Variants in AKAP12 observed in about 807,000 individuals in gnomAD.
The protein encoded by AKAP12 is A-kinase anchor protein 12.
A neutral mutation model predicts 79.9 loss-of-function variants in AKAP12; 32 were observed. That is an observed-to-expected ratio of 0.40 (90% CI 0.30 to 0.54). AKAP12 has a LOEUF of 0.54. Among genes scored for constraint, AKAP12 ranks in the 20% least tolerant of loss-of-function variants. The probability of loss-of-function intolerance (pLI) is 0.48; values close to 1 mark genes in which losing one functional copy is unlikely to be tolerated. For synonymous variants in AKAP12, 808 were observed against 857.0 expected, an observed-to-expected ratio of 0.94 and a Z score of 1.00; for missense variants, 2,074 against 2,177.0, an observed-to-expected ratio of 0.95 and a Z score of 0.94.
intron 2 of AKAP12, among the ~76,000 whole-genome samples, chr6:151,287,133 G>A (rs1237747890): frequency 6.6e-6 from 1 of 151,864 alleles, no homozygotes; most frequent in Admixed American, 6.6e-5. Flanking sequence ...TAGAGATGGG[G>A]TTTCACCGTG....
intron 3 of AKAP12, among the ~76,000 whole-genome samples, chr6:151,315,103 G>A (rs905226607): frequency 3.3e-5 from 5 of 151,976 alleles, no homozygotes; most frequent in African/African-American, 1.2e-4. Context: ...GGACTGAGGT[G>A]GTCCACAAGG....
intron 2 of AKAP12, among the ~76,000 whole-genome samples, chr6:151,272,236 T>G (rs996808959): frequency 6.6e-6 from 1 of 151,436 alleles, no homozygotes; most frequent in Non-Finnish European, 1.5e-5. Flanking sequence ...TCCTAGCTAC[T>G]TAGGAGGACT....
In AKAP12 at chr6:151,352,762, C is replaced by G; in HGVS notation, c.4371C>G (p.Ser1457=). The G allele has an allele frequency of 6.2e-7, 1 of 1,614,088 alleles. No homozygotes were observed. Among genetic ancestry groups the G allele is most frequent in the Non-Finnish European group, 8.5e-7 (1 of 1,180,014 alleles). The change falls in exon 4 of 5, where the codon TCC becomes TCG. Residue 1457 remains serine, a synonymous_variant. Coordinates refer to ENST00000402676, the MANE Select transcript of AKAP12 (RefSeq NM_005100.4). ...CACATTTAGTTCTGGAAGAGAAATC[C>G]TCTGAAAAAAATGAAGACTTTGCCG... is the stretch of plus-strand genomic sequence containing the variant. The part of the protein sequence containing the change: ...AGAHLVLEEK[S]SEKNEDFAAH...
At chr6:151,266,097 A>T (rs951152444) in intron 2 of AKAP12, among the ~76,000 whole-genome samples, 1 of 152,206 alleles carries the variant, frequency 6.6e-6, no homozygotes, top group Non-Finnish European at 1.5e-5. Flanking sequence ...AATGTAATTG[A>T]TCATCCTGGT....
intron 2 of AKAP12, among the ~76,000 whole-genome samples, chr6:151,255,399 G>A (rs1250082074): frequency 6.6e-6 from 1 of 152,086 alleles, no homozygotes; most frequent in Non-Finnish European, 1.5e-5. Context: ...GACATCAGGT[G>A]ATCCACCTGC....
At chr6:151,343,503 G>A (rs923022597) in intron 3 of AKAP12, among the ~76,000 whole-genome samples, 7 of 152,170 alleles carry the variant, frequency 4.6e-5, no homozygotes, top group South Asian at 2.1e-4. Flanking sequence ...TTTTGTGACC[G>A]CCAGGCACGG....
At chr6:151,248,092 A>G (rs888405140) in intron 2 of AKAP12, among the ~76,000 whole-genome samples, 4 of 152,154 alleles carry the variant, frequency 2.6e-5, no homozygotes, top group Admixed American at 1.3e-4. Flanking sequence ...CTGACCATCT[A>G]TTTGTTATAT....
At chr6:151,248,099 A>G (rs777563961) in intron 2 of AKAP12, among the ~76,000 whole-genome samples, 13 of 152,172 alleles carry the variant, frequency 8.5e-5, no homozygotes, top group African/African-American at 2.4e-4. Context: ...TCTATTTGTT[A>G]TATGCAAATA....
rs753094802 is a variant in AKAP12, at chr6:151,350,312, G to A, written c.1921G>A (p.Ala641Thr). 30 of 1,611,154 alleles carry A rather than the reference G, an allele frequency of 1.9e-5. No homozygotes were observed. Among genetic ancestry groups the A allele is most frequent in the South Asian group, 2.2e-5 (2 of 90,810 alleles). The change falls in exon 4 of 5, where the codon GCT (alanine) becomes ACT (threonine). Residue 641 changes from alanine to threonine, a missense_variant. Ala to Thr is a moderately conservative substitution (Grantham distance 58). Around this residue, in one of 3 missense-constraint regions of AKAP12, gnomAD observed 1,428 missense variants for 1,451.0 expected, o/e 0.98. Transcript: ENST00000402676. This position sits in a 1 kb window ranked among gnomAD's most constrained non-coding sequence, Gnocchi z 4.8. ...KEDELDKVKS[A>T]TLSSTESTAS... is the part of the protein sequence containing the mutation. ...AGATGAGCTGGACAAGGTCAAGAGCGCTACCTTGTCTTCCACCGAGAGCAC... is the reference window on the plus strand; with the variant it reads ...AGATGAGCTGGACAAGGTCAAGAGCACTACCTTGTCTTCCACCGAGAGCAC...
intron 3 of AKAP12, among the ~76,000 whole-genome samples, chr6:151,321,276 C>T (rs1339031059): frequency 6.6e-6 from 1 of 152,098 alleles, no homozygotes; most frequent in African/African-American, 2.4e-5. Context: ...TGTGAGCCAC[C>T]ACACCTGGCC....
intron 3 of AKAP12, among the ~76,000 whole-genome samples, chr6:151,343,467 G>A (rs541735225): frequency 6.6e-6 from 1 of 152,156 alleles, no homozygotes; most frequent in South Asian, 2.1e-4. Flanking sequence ...CTCTTAAATG[G>A]CATTAGAAGT....
Position 151,352,094 on chromosome 6 carries a change from G to C in AKAP12, c.3703G>C (p.Glu1235Gln). The C allele has an allele frequency of 6.2e-7, 1 of 1,614,066 alleles. No individual in the cohort carries two copies. Among genetic ancestry groups the C allele is most frequent in the South Asian group, 1.1e-5 (1 of 91,072 alleles). ...TTTTGTGTTCCAGGAAGAAACTAAA[G>C]AACAATCAAAGATGGAAGACACTCT... ...SSFVFQEETK[E>Q]QSKMEDTLEH... Residue 1235 changes from glutamate to glutamine, a missense_variant, in exon 4 of 5, where the codon GAA becomes CAA. Coordinates refer to ENST00000402676, the MANE Select transcript of AKAP12 (RefSeq NM_005100.4).
rs1026274142 is a variant in AKAP12, at chr6:151,357,417, C to G, written c.*1703C>G. ...TATAGCTTTCCAGATTTTACTCAAA[C>G]TTGGTACTCCAGTTTGAAAATTTAA... On this transcript the variant is annotated 3_prime_UTR_variant, in exon 5 of 5. Coordinates refer to ENST00000402676, the MANE Select transcript of AKAP12 (RefSeq NM_005100.4). 1.3e-5 allele frequency: 2 copies of G among 152,210 alleles called. No homozygotes were observed. Among genetic ancestry groups the G allele is most frequent in the Non-Finnish European group, 2.9e-5 (2 of 68,042 alleles). The allele number at this position is 152,210 out of a possible 1,614,324, so 9.4% of individuals were successfully genotyped here.
chr6:151,339,033 T>C (rs1041824851), intron 3 of AKAP12, among the ~76,000 whole-genome samples: 1 of 152,180 alleles, frequency 6.6e-6, no homozygotes, highest in Admixed American at 6.5e-5. Flanking sequence ...TGTGAGTGGG[T>C]GGGTAGGATT....
intron 3 of AKAP12, among the ~76,000 whole-genome samples, chr6:151,344,825 C>T (rs1044113942): frequency 5.9e-5 from 9 of 152,100 alleles, no homozygotes; most frequent in Non-Finnish European, 1.0e-4. Flanking sequence ...TGAGCCACCT[C>T]GCCCAGCCTA....
intron 3 of AKAP12, among the ~76,000 whole-genome samples, chr6:151,343,559 G>C (rs190151846): frequency 6.6e-6 from 1 of 152,128 alleles, no homozygotes; most frequent in Non-Finnish European, 1.5e-5. Context: ...TGAGGCAGGC[G>C]GATCACCTGA....
chr6:151,331,638 C>G (rs1208676394), intron 3 of AKAP12, among the ~76,000 whole-genome samples: 1 of 152,106 alleles, frequency 6.6e-6, no homozygotes, highest in East Asian at 1.9e-4. Context: ...GTAATCCCAG[C>G]ACTTTGGGAG....
chr6:151,348,792 T>G lies in AKAP12; in HGVS notation c.401T>G (p.Ile134Ser), dbSNP rs1467827887. 1 of 1,595,176 alleles carries G rather than the reference T, an allele frequency of 6.3e-7. No individual in the cohort carries two copies. Among genetic ancestry groups the G allele is most frequent in the East Asian group, 2.3e-5 (1 of 43,558 alleles). Residue 134 changes from isoleucine (I) to serine (S), a missense_variant, in exon 4 of 5, where the codon ATC becomes AGC. This residue lies in a region of AKAP12 where 1,428 missense variants were observed against 1,451.0 expected (regional missense o/e 0.98). Transcript: ENST00000402676. Reference sequence around the variant, plus strand: ...ACTAAGTCAGCGGTTGTTCACGACATCACAGATGATGGGCAGGAGGAGACA... The same window carrying G: ...ACTAAGTCAGCGGTTGTTCACGACAGCACAGATGATGGGCAGGAGGAGACA... ...MATKSAVVHD[I>S]TDDGQEETPE...
At chr6:151,343,008 C>G (rs1264144180) in intron 3 of AKAP12, among the ~76,000 whole-genome samples, 2 of 152,214 alleles carry the variant, frequency 1.3e-5, no homozygotes, top group African/African-American at 2.4e-5. Flanking sequence ...AGTAAACCGC[C>G]TGCCTCAGCC....
Sources: gnomAD v4.1 joint callset for allele counts (sites outside exome capture counted in the v4.1 genomes callset) on GRCh38, gnomAD v4.1.1 for gene constraint, gnomAD v4.1.1 regional missense constraint, Gnocchi (gnomAD v3.1) non-coding constraint, MANE v1.5 for transcripts, NCBI Gene and HGNC (gene_info 2026-07-23, HGNC 2026-07-21) for gene names.